Variants in TIAM1 observed in about 807,000 individuals in gnomAD.
TIAM1 encodes TIAM Rac1 associated GEF 1.
TIAM1 carries 65 observed loss-of-function variants against 163.5 expected under a neutral mutation model. The observed-to-expected ratio is 0.40, with a 90% confidence interval of 0.33 to 0.49. TIAM1 has a LOEUF of 0.49. Among genes scored for constraint, TIAM1 ranks in the 20% least tolerant of loss-of-function variants. The pLI is 0.77. For synonymous variants in TIAM1, 833 were observed against 810.1 expected (o/e 1.03, Z -0.48); for missense variants, 1,789 against 2,044.7 (o/e 0.87, Z 2.41).
intron 15 of TIAM1, 48 bp from the exon 16 acceptor site, chr21:31,165,113 T>C (rs1258244588): frequency 6.3e-7 from 1 of 1,575,826 alleles, no homozygotes. Context: ...GGACAGTAAT[T>C]GCTAAAAGCC....
intron 2 of TIAM1, among the ~76,000 whole-genome samples, chr21:31,418,263 A>T (rs1602230596): frequency 1.4e-5 from 2 of 143,780 alleles, no homozygotes; most frequent in South Asian, 4.5e-4. Context: ...AATCACTTGA[A>T]CCCGGCAGGC....
intron 8 of TIAM1, among the ~76,000 whole-genome samples, chr21:31,222,676 C>CATATATATATATAT (rs146567405): frequency 1.5e-4 from 7 of 48,240 alleles, no homozygotes; most frequent in Admixed American, 4.4e-4. Flanking sequence ...TGTACACATA[C>CATATATATATATAT]ATATATATAT....
At chr21:31,198,231 GTTTC>G (rs1158317403) in intron 12 of TIAM1, among the ~76,000 whole-genome samples, 5 of 152,192 alleles carry the variant, frequency 3.3e-5, no homozygotes, top group African/African-American at 1.2e-4. Flanking sequence ...AGAGTGGCCA[GTTTC>G]TTCTCTTTAT....
rs148711642 is a variant in TIAM1 at position 31,389,070 on chromosome 21, T to G, written c.-368-49648A>C. On this transcript the variant is annotated intron_variant, in intron 2 of 28. Transcript: ENST00000286827. ...ACTGGCACATGAAACGAGCCACGGGTAATACATACGTGAATGGGTGTGGCT... is the reference window on the plus strand; with the variant it reads ...ACTGGCACATGAAACGAGCCACGGGGAATACATACGTGAATGGGTGTGGCT... Among the ~76,000 whole-genome samples the G allele has an allele frequency of 3.9e-3, 587 of 152,344 alleles. 6 individuals carry two copies. Among genetic ancestry groups the G allele is most frequent in the Non-Finnish European group, 5.9e-3 (404 of 68,030 alleles).
chr21:31,175,554 G>A (rs1289566229), intron 15 of TIAM1, among the ~76,000 whole-genome samples: 1 of 152,100 alleles, frequency 6.6e-6, no homozygotes, highest in Admixed American at 6.6e-5. Flanking sequence ...GGAAAAACAA[G>A]GCCATAAATG....
At chr21:31,438,617 C>A (rs943157262) in intron 2 of TIAM1, among the ~76,000 whole-genome samples, 2 of 152,164 alleles carry the variant, frequency 1.3e-5, no homozygotes, top group African/African-American at 4.8e-5. Flanking sequence ...ACCCTTTTCC[C>A]TCTTTTTCTT....
intron 26 of TIAM1, among the ~76,000 whole-genome samples, chr21:31,126,245 A>G (rs2833285): frequency 0.013 from 1,911 of 152,160 alleles, 14 homozygotes; most frequent in Middle Eastern, 0.041. Flanking sequence ...GTACTGGGTA[A>G]TTACTGAGTA....
At chr21:31,444,644 G>T (rs1037314203) in intron 2 of TIAM1, among the ~76,000 whole-genome samples, 1 of 152,082 alleles carries the variant, frequency 6.6e-6, no homozygotes, top group Non-Finnish European at 1.5e-5. Context: ...AATATCCAAA[G>T]AACTGCAGTC....
chr21:31,186,968 G>A (rs766260324), intron 14 of TIAM1, 33 bp downstream of exon 14: 2 of 1,591,672 alleles, frequency 1.3e-6, no homozygotes, highest in Admixed American at 3.3e-5. Flanking sequence ...GGGCATTTAA[G>A]ACAGACAGAC....
At chr21:31,227,149 G>A (rs2088035627) in intron 6 of TIAM1, among the ~76,000 whole-genome samples, 2 of 151,724 alleles carry the variant, frequency 1.3e-5, no homozygotes. Context: ...TAGAGACAGG[G>A]TTTCACCATG....
intron 1 of TIAM1, among the ~76,000 whole-genome samples, chr21:31,542,409 A>G (rs2048350571): frequency 6.6e-6 from 1 of 151,258 alleles, no homozygotes; most frequent in Non-Finnish European, 1.5e-5. Context: ...CCTGGGGGAT[A>G]GAGCGAGACT....
intron 1 of TIAM1, among the ~76,000 whole-genome samples, chr21:31,490,389 G>A (rs2046423665): frequency 6.6e-6 from 1 of 151,618 alleles, no homozygotes; most frequent in African/African-American, 2.4e-5. Flanking sequence ...ATTAAAACAC[G>A]AAATAAAATG....
chr21:31,234,117 G>T (rs2088599184), intron 6 of TIAM1, among the ~76,000 whole-genome samples: 1 of 152,052 alleles, frequency 6.6e-6, no homozygotes, highest in Non-Finnish European at 1.5e-5. Flanking sequence ...TTTGCTGAAA[G>T]CCCCCAGCAT....
intron 13 of TIAM1, among the ~76,000 whole-genome samples, chr21:31,189,320 G>C (rs1444626403): frequency 6.6e-6 from 1 of 151,986 alleles, no homozygotes; most frequent in African/African-American, 2.4e-5. Flanking sequence ...TTCCCAAAGT[G>C]CTGGGATTAC....
chr21:31,182,185 G>GC (rs2085063651), intron 15 of TIAM1, among the ~76,000 whole-genome samples: 1 of 152,080 alleles, frequency 6.6e-6, no homozygotes, highest in Non-Finnish European at 1.5e-5. Context: ...TTATAAAGCT[G>GC]CCCATGGGTG....
intron 2 of TIAM1, among the ~76,000 whole-genome samples, chr21:31,379,322 G>T (rs141144702): frequency 0.01 from 1,529 of 152,272 alleles, 20 homozygotes; most frequent in African/African-American, 0.035. Flanking sequence ...TAGTATCTGT[G>T]GGGGAGCAGA....
chr21:31,296,757 G>C (rs1408184438), intron 2 of TIAM1, among the ~76,000 whole-genome samples: 1 of 152,054 alleles, frequency 6.6e-6, no homozygotes, highest in Non-Finnish European at 1.5e-5. Context: ...TCTGCCTCCT[G>C]GGTTCAAGCA....
chr21:31,294,138 T>C (rs1352292666), intron 2 of TIAM1, among the ~76,000 whole-genome samples: 1 of 152,186 alleles, frequency 6.6e-6, no homozygotes, highest in South Asian at 2.1e-4. Flanking sequence ...GCAGCTGGGC[T>C]TAAAGTTCAG....
chr21:31,505,820 C>G (rs2147458606), intron 1 of TIAM1, among the ~76,000 whole-genome samples: 1 of 152,038 alleles, frequency 6.6e-6, no homozygotes, highest in South Asian at 2.1e-4. Flanking sequence ...GCATGGCCAA[C>G]ACAGTGAATG....
Sources: gnomAD v4.1 joint callset for allele counts (sites outside exome capture counted in the v4.1 genomes callset) on GRCh38, gnomAD v4.1.1 for gene constraint, MANE v1.5 for transcripts, NCBI Gene and HGNC (gene_info 2026-07-23, HGNC 2026-07-21) for gene names.